The following SLCO5A1 variants were observed in gnomAD, a reference collection of about 807,000 sequenced individuals.
SLCO5A1 encodes the protein organic anion transporter polypeptide-related protein 4.
Under a neutral mutation model 65.1 loss-of-function variants are expected in SLCO5A1, and 39 were observed. The observed-to-expected ratio is 0.60, with a 90% CI of 0.46 to 0.78. The LOEUF is 0.78. Among genes scored for constraint, SLCO5A1 ranks in the 30% least tolerant of loss-of-function variants. SLCO5A1 has a pLI of 0.00. For missense variants in SLCO5A1, 1,029 were observed against 1,069.4 expected (o/e 0.96, Z 0.53); for synonymous variants, 438 against 415.7 (o/e 1.05, Z -0.65).
At chr8:69,769,689 C>T (rs904117312) in intron 2 of SLCO5A1, among the ~76,000 whole-genome samples, 14 of 152,022 alleles carry the variant, frequency 9.2e-5, no homozygotes, top group Admixed American at 2.0e-4. Context: ...CTTCTGGATT[C>T]ATTATTTTTG....
intron 5 of SLCO5A1, among the ~76,000 whole-genome samples, chr8:69,732,675 G>A (rs186572633): frequency 3.3e-4 from 50 of 152,156 alleles, no homozygotes; most frequent in Middle Eastern, 3.4e-3. Context: ...CAGATCACAA[G>A]GTCAAGAGAT....
In SLCO5A1 at chr8:69,761,732, A is replaced by G. The variant is rs1194468115; in HGVS notation, c.1040+11T>C. 1.2e-6 allele frequency: 2 copies of G among 1,611,088 alleles called. No homozygotes were observed. Among genetic ancestry groups the G allele is most frequent in the Non-Finnish European group, 8.5e-7 (1 of 1,179,396 alleles). On this transcript the variant is annotated intron_variant, in intron 3 of 9. Coordinates refer to ENST00000260126, the MANE Select transcript of SLCO5A1 (RefSeq NM_030958.3). ...AGAACTGAAATTTAAAAATTAGAAA[A>G]CAGAACTTACCAGTTTCCAATGAAA...
At chr8:69,829,706 AG>A (rs1261694646) in intron 2 of SLCO5A1, among the ~76,000 whole-genome samples, 1 of 152,190 alleles carries the variant, frequency 6.6e-6, no homozygotes, top group African/African-American at 2.4e-5. Context: ...AGACTTTCAG[AG>A]GACAATTGAG....
At chr8:69,801,055 G>A (rs1350995268) in intron 2 of SLCO5A1, among the ~76,000 whole-genome samples, 1 of 152,108 alleles carries the variant, frequency 6.6e-6, no homozygotes, top group African/African-American at 2.4e-5. Context: ...TGCTCTGCAG[G>A]AACAGCAGAA....
Position 69,831,910 on chromosome 8 carries a change from G to C in SLCO5A1, c.764C>G (p.Ser255Trp). Reference protein sequence around the residue: ...TLEPPACPKDSGGNNHWVYVA... With the variant: ...TLEPPACPKDWGGNNHWVYVA... Reference sequence around the variant, plus strand: ...GTAGACCCAGTGATTATTTCCTCCCGAGTCCTTCGGACAGGCCGGAGGCTC... The same window carrying C: ...GTAGACCCAGTGATTATTTCCTCCCCAGTCCTTCGGACAGGCCGGAGGCTC... Residue 255 changes from serine (S) to tryptophan (W), a missense_variant, in exon 2 of 10, where the codon TCG (serine) becomes TGG (tryptophan). Around this residue, in one of 3 missense-constraint regions of SLCO5A1, gnomAD observed 647 missense variants for 647.5 expected, o/e 1.00. Transcript: ENST00000260126. The C allele has an allele frequency of 6.2e-7, 1 of 1,608,088 alleles. No homozygotes were observed. Among genetic ancestry groups the C allele is most frequent in the Non-Finnish European group, 8.5e-7 (1 of 1,178,036 alleles).
chr8:69,800,155 T>C (rs1819670734), intron 2 of SLCO5A1, among the ~76,000 whole-genome samples: 1 of 152,090 alleles, frequency 6.6e-6, no homozygotes, highest in South Asian at 2.1e-4. Context: ...TTGTCATTTT[T>C]CTTTTTTGGA....
intron 2 of SLCO5A1, among the ~76,000 whole-genome samples, chr8:69,821,080 T>C (rs1470950182): frequency 1.3e-5 from 2 of 152,114 alleles, no homozygotes; most frequent in East Asian, 1.9e-4. Flanking sequence ...TGGCAGTTAA[T>C]AGACATATAA....
At chr8:69,699,975 G>C (rs1010544395) in intron 6 of SLCO5A1, among the ~76,000 whole-genome samples, 4 of 152,170 alleles carry the variant, frequency 2.6e-5, no homozygotes, top group Admixed American at 2.6e-4. Flanking sequence ...TCCCAGTGTA[G>C]TGGTGGACAC....
At chr8:69,725,050 G>T (rs989817684) in intron 5 of SLCO5A1, among the ~76,000 whole-genome samples, 1 of 152,100 alleles carries the variant, frequency 6.6e-6, no homozygotes, top group African/African-American at 2.4e-5. Context: ...ATTAATATTT[G>T]TGTTGTTCTT....
intron 2 of SLCO5A1, among the ~76,000 whole-genome samples, chr8:69,822,427 A>T (rs1199390997): frequency 6.6e-6 from 1 of 152,240 alleles, no homozygotes; most frequent in Non-Finnish European, 1.5e-5. Flanking sequence ...AGAAAATTTA[A>T]TTAAACCGGT....
intron 3 of SLCO5A1, among the ~76,000 whole-genome samples, chr8:69,756,777 G>A (rs1312896006): frequency 2.0e-5 from 3 of 152,242 alleles, no homozygotes. Context: ...GAATGAAATT[G>A]TAGTATTAGA....
chr8:69,704,971 C>T (rs1015202133), intron 6 of SLCO5A1, 60 bp downstream of exon 6: 53 of 1,513,234 alleles, frequency 3.5e-5, no homozygotes, highest in East Asian at 1.6e-4. Flanking sequence ...GATGCACAAA[C>T]ACCACAGGGC....
chr8:69,670,614 G>A lies in SLCO5A1; in HGVS notation c.*2255C>T, dbSNP rs1280137208. On this transcript the variant is annotated 3_prime_UTR_variant, in exon 10 of 10. Transcript: ENST00000260126. ...TCCCAAAGGATTTTATGGAGTGGCA[G>A]ATGGTAATCAGGTAATATGACACCT... is the stretch of plus-strand genomic sequence containing the variant. The A allele has an allele frequency of 6.6e-6, 1 of 152,206 alleles. No individual in the cohort carries two copies. Among genetic ancestry groups the A allele is most frequent in the African/African-American group, 2.4e-5 (1 of 41,448 alleles). The allele number at this position is 152,206 out of a possible 1,614,324, so 9.4% of individuals were successfully genotyped here.
chr8:69,716,062 A>G (rs1815517295), intron 5 of SLCO5A1, among the ~76,000 whole-genome samples: 1 of 152,142 alleles, frequency 6.6e-6, no homozygotes, highest in Admixed American at 6.5e-5. Context: ...GAGACCTTTC[A>G]TATAAATGGA....
chr8:69,793,908 G>T (rs1819377467), intron 2 of SLCO5A1, among the ~76,000 whole-genome samples: 1 of 152,302 alleles, frequency 6.6e-6, no homozygotes, highest in East Asian at 1.9e-4. Context: ...CCAAGCATTA[G>T]TCTAAGGTCT....
intron 5 of SLCO5A1, among the ~76,000 whole-genome samples, chr8:69,706,608 T>C (rs1814979386): frequency 6.6e-6 from 1 of 152,166 alleles, no homozygotes; most frequent in Non-Finnish European, 1.5e-5. Context: ...AGGTCACATG[T>C]GAGAAGACAG....
At chr8:69,681,634 G>A (rs1319388544) in intron 7 of SLCO5A1, among the ~76,000 whole-genome samples, 1 of 152,088 alleles carries the variant, frequency 6.6e-6, no homozygotes, top group African/African-American at 2.4e-5. Flanking sequence ...TTCTCCCACA[G>A]TATTACAGCC....
chr8:69,743,402 G>T (rs558907747), intron 4 of SLCO5A1, among the ~76,000 whole-genome samples: 1 of 152,110 alleles, frequency 6.6e-6, no homozygotes, highest in Admixed American at 6.5e-5. Context: ...GCCCAGACCA[G>T]TATGCAATGA....
chr8:69,764,636 C>A (rs1348208317), intron 2 of SLCO5A1, among the ~76,000 whole-genome samples: 3 of 152,132 alleles, frequency 2.0e-5, no homozygotes, highest in Non-Finnish European at 4.4e-5. Flanking sequence ...TCTTGTTAAT[C>A]TCTTTGTTTA....
Sources: gnomAD v4.1 joint callset for allele counts (sites outside exome capture counted in the v4.1 genomes callset) on GRCh38, gnomAD v4.1.1 for gene constraint, gnomAD v4.1.1 regional missense constraint, MANE v1.5 for transcripts, NCBI Gene and HGNC (gene_info 2026-07-23, HGNC 2026-07-21) for gene names.